Variants in EVC observed in about 807,000 individuals in gnomAD.
The protein encoded by EVC is EvC ciliary complex subunit 1.
A neutral mutation model predicts 118.9 loss-of-function variants in EVC; 116 were observed. The observed-to-expected ratio is 0.98, with a 90% confidence interval of 0.84 to 1.14. The LOEUF (loss-of-function observed/expected upper bound fraction) is 1.14. Among genes scored for constraint, EVC ranks in the 50% most tolerant of loss-of-function variants. EVC has a pLI of 0.00. For missense variants in EVC, 1,401 were observed against 1,246.4 expected, an observed-to-expected ratio of 1.12 and a Z score of -1.87; for synonymous variants, 619 against 534.7, an observed-to-expected ratio of 1.16 and a Z score of -2.18.
In EVC at chr4:5,811,408, T is replaced by C; in HGVS notation, c.*371T>C. The C allele has an allele frequency of 3.1e-6, 1 of 321,730 alleles. No homozygotes were observed. Among genetic ancestry groups the C allele is most frequent in the South Asian group, 3.0e-5 (1 of 33,860 alleles). The allele number at this position is 321,730 out of a possible 1,614,324, so 19.9% of individuals were successfully genotyped here. ...GCCCAAAGGCCTGTCTGGGCCCATC[T>C]GGGGCTGAGGACACACAGATACATA... On this transcript the variant is annotated 3_prime_UTR_variant, in exon 21 of 21. Coordinates refer to ENST00000264956, the MANE Select transcript of EVC (RefSeq NM_153717.3).
At chr4:5,802,471 G>A (rs941221529) in intron 16 of EVC, among the ~76,000 whole-genome samples, 14 of 152,228 alleles carry the variant, frequency 9.2e-5, no homozygotes, top group East Asian at 3.9e-4. Flanking sequence ...GGTTTCAGAC[G>A]ATTCAAGTGC....
At chr4:5,824,051 A>G in the EVC span, among the ~76,000 whole-genome samples, 1 of 152,190 alleles carries the variant, frequency 6.6e-6, no homozygotes, top group Admixed American at 6.5e-5. Flanking sequence ...TGAGAGAACA[A>G]GGGTGAGGAG....
rs1731069198 is a variant in EVC, at chr4:5,755,764, G to A, written c.1465-500G>A. On this transcript the variant is annotated intron_variant, in intron 10 of 20. Transcript: ENST00000264956. The surrounding 1 kb of genome is among the most constrained non-coding windows in gnomAD (Gnocchi z 4.1). ...CTCGCTGATGCTCTGTTTAGGGCTG[G>A]CTGGGTCTCCCCCTGCTGATGCCCG... is the stretch of plus-strand genomic sequence containing the variant. Among the ~76,000 whole-genome samples the A allele has an allele frequency of 6.6e-6, 1 of 152,154 alleles. No homozygotes were observed.
intron 11 of EVC, among the ~76,000 whole-genome samples, chr4:5,771,796 C>T (rs188082032): frequency 6.6e-6 from 1 of 152,284 alleles, no homozygotes; most frequent in Non-Finnish European, 1.5e-5. Context: ...GGTTATACAC[C>T]ATGACCAAGG....
intron 1 of EVC, among the ~76,000 whole-genome samples, chr4:5,718,889 T>C (rs1249960232): frequency 5.9e-5 from 9 of 152,170 alleles, no homozygotes; most frequent in Non-Finnish European, 5.9e-5. Context: ...TTCTCATGCT[T>C]AGTTGTTAAA....
chr4:5,720,064 T>C (rs1724686270), intron 2 of EVC, among the ~76,000 whole-genome samples: 1 of 152,180 alleles, frequency 6.6e-6, no homozygotes, highest in African/African-American at 2.4e-5. Flanking sequence ...CCTGCCTTCC[T>C]GGAACCCTTC....
At chr4:5,808,039 G>C (rs1345196564) in intron 17 of EVC, among the ~76,000 whole-genome samples, 162 bp from the exon 18 acceptor site, 1 of 152,026 alleles carries the variant, frequency 6.6e-6, no homozygotes, top group Non-Finnish European at 1.5e-5. Context: ...GCCTGCCTGT[G>C]GGGACTGGAG....
At chr4:5,780,760 G>T (rs548145199) in intron 11 of EVC, among the ~76,000 whole-genome samples, 3 of 152,306 alleles carry the variant, frequency 2.0e-5, no homozygotes, top group Admixed American at 6.5e-5. Context: ...AGATGACCAG[G>T]TTCAGTGGTT....
chr4:5,802,416 T>C (rs1715174017), intron 16 of EVC, among the ~76,000 whole-genome samples: 1 of 152,048 alleles, frequency 6.6e-6, no homozygotes, highest in South Asian at 2.1e-4. Context: ...CAGGGACTGG[T>C]TTCATGGAAG....
chr4:5,780,443 G>T (rs1433809118), intron 11 of EVC, among the ~76,000 whole-genome samples: 1 of 152,160 alleles, frequency 6.6e-6, no homozygotes, highest in African/African-American at 2.4e-5. Context: ...TCTTCTCTGT[G>T]CCTCAGTTTC....
intron 11 of EVC, among the ~76,000 whole-genome samples, chr4:5,760,598 G>C (rs1731856957): frequency 6.6e-6 from 1 of 152,130 alleles, no homozygotes; most frequent in Admixed American, 6.5e-5. Flanking sequence ...AGTTGCCCAG[G>C]CTGGAGTGCA....
chr4:5,827,395 T>A, the EVC span, among the ~76,000 whole-genome samples: 1 of 152,182 alleles, frequency 6.6e-6, no homozygotes, highest in African/African-American at 2.4e-5. Flanking sequence ...AAAGCATCTG[T>A]GCGACTTGGT....
At chr4:5,735,989 G>A (rs528344869) in intron 5 of EVC, among the ~76,000 whole-genome samples, 1 of 152,088 alleles carries the variant, frequency 6.6e-6, no homozygotes, top group Non-Finnish European at 1.5e-5. Flanking sequence ...AGATGAGCTG[G>A]GGTTCAGAAG....
chr4:5,722,166 G>T (rs1477542458), intron 2 of EVC, among the ~76,000 whole-genome samples: 2 of 152,124 alleles, frequency 1.3e-5, no homozygotes, highest in African/African-American at 4.8e-5. Context: ...CAGTGATGGT[G>T]CTCCCCCTGC....
chr4:5,752,697 A>C, intron 8 of EVC, 139 bp from the exon 9 acceptor site: 1 of 836,880 alleles, frequency 1.2e-6, no homozygotes. Context: ...GGAGAGGGGG[A>C]GTTCATCCCT....
chr4:5,783,639 C>T lies in EVC; in HGVS notation c.1651C>T (p.Pro551Ser), dbSNP rs1255415484. The T allele has an allele frequency of 6.2e-7, 1 of 1,614,078 alleles. No homozygotes were observed. Among genetic ancestry groups the T allele is most frequent in the Admixed American group, 1.7e-5 (1 of 60,002 alleles). Residue 551 changes from proline to serine, a missense_variant, in exon 12 of 21, where the codon CCG (proline) becomes TCG (serine). Pro to Ser is a moderately conservative substitution (Grantham distance 74). Transcript: ENST00000264956. ...GCTCCCTGGCATGACTGGCCTCCCCCCGGAAGAGTGTGACTACTTGAGGCA... is the reference window on the plus strand; with the variant it reads ...GCTCCCTGGCATGACTGGCCTCCCCTCGGAAGAGTGTGACTACTTGAGGCA... ...QTLPGMTGLP[P>S]EECDYLRQEV...
intron 5 of EVC, among the ~76,000 whole-genome samples, chr4:5,736,954 A>G (rs1727788592): frequency 6.6e-6 from 1 of 152,196 alleles, no homozygotes; most frequent in Non-Finnish European, 1.5e-5. Flanking sequence ...AAGCATAGTG[A>G]GGAAGGCAGG....
At chr4:5,712,957 C>G (rs1030868554) in intron 1 of EVC, among the ~76,000 whole-genome samples, 1 of 152,212 alleles carries the variant, frequency 6.6e-6, no homozygotes, top group African/African-American at 2.4e-5. Flanking sequence ...AGGGGATGCT[C>G]TGCAAGGGTG....
intron 12 of EVC, among the ~76,000 whole-genome samples, chr4:5,785,870 G>A (rs549925903): frequency 6.6e-6 from 1 of 152,324 alleles, no homozygotes; most frequent in East Asian, 1.9e-4. Context: ...CAAATCCTAG[G>A]CCGCAGACCA....
Sources: gnomAD v4.1 joint callset for allele counts (sites outside exome capture counted in the v4.1 genomes callset) on GRCh38, gnomAD v4.1.1 for gene constraint, Gnocchi (gnomAD v3.1) non-coding constraint, MANE v1.5 for transcripts, NCBI Gene and HGNC (gene_info 2026-07-23, HGNC 2026-07-21) for gene names.